The following DSC2 variants were observed in gnomAD, a reference collection of about 807,000 sequenced individuals.
DSC2 encodes the protein desmocollin-2.
DSC2 carries 51 observed loss-of-function variants against 87.6 expected under a neutral mutation model. The ratio of observed to expected loss-of-function variants is 0.58; its 90% CI spans 0.46 to 0.74. The LOEUF (loss-of-function observed/expected upper bound fraction) is 0.74. DSC2 is among the 30% of genes least tolerant of loss of function. The pLI, the probability that DSC2 is intolerant of heterozygous loss-of-function variation, is 0.00. For synonymous variants in DSC2, 383 were observed against 393.2 expected (o/e 0.97, Z 0.31); for missense variants, 1,066 against 1,089.5 (o/e 0.98, Z 0.30).
At chr18:31,085,836 T>G (rs560220508) in intron 7 of DSC2, among the ~76,000 whole-genome samples, 3 of 152,084 alleles carry the variant, frequency 2.0e-5, no homozygotes, top group Admixed American at 1.3e-4. Flanking sequence ...AGATGAATAA[T>G]GCTTCAGGGA....
chr18:31,082,453 C>A, intron 8 of DSC2, 30 bp from the exon 9 acceptor site: 1 of 1,599,262 alleles, frequency 6.3e-7, no homozygotes, highest in South Asian at 1.1e-5. Context: ...CAAAAAATTT[C>A]GTTAGTAACT....
At chr18:31,086,522 C>T (rs769474397) in intron 7 of DSC2, 54 bp downstream of exon 7, 2 of 1,597,556 alleles carry the variant, frequency 1.3e-6, no homozygotes, top group Non-Finnish European at 1.7e-6. Flanking sequence ...AGGAGTTATA[C>T]AGGTACTATT....
At chr18:31,101,371 G>A in intron 1 of DSC2, 1 of 744,238 alleles carries the variant, frequency 1.3e-6, no homozygotes, top group African/African-American at 2.0e-5. Context: ...TCTCCGTCCC[G>A]GCCGCCCAGC....
At chr18:31,098,589 G>C (rs1226377563) in intron 1 of DSC2, among the ~76,000 whole-genome samples, 1 of 151,734 alleles carries the variant, frequency 6.6e-6, no homozygotes, top group African/African-American at 2.4e-5. Context: ...CAAGTAGATG[G>C]GATTATAGGT....
intron 7 of DSC2, 71 bp downstream of exon 7, chr18:31,086,505 C>T (rs939421338): frequency 9.0e-6 from 14 of 1,560,334 alleles, no homozygotes; most frequent in Non-Finnish European, 1.2e-5. Flanking sequence ...TTCAAAAACA[C>T]ATCTACAGGA....
intron 9 of DSC2, among the ~76,000 whole-genome samples, chr18:31,081,141 G>A (rs1005875544): frequency 6.6e-5 from 10 of 151,982 alleles, no homozygotes; most frequent in Admixed American, 6.6e-4. Flanking sequence ...CTCCTAAGAT[G>A]AATAAAATTA....
At chr18:31,069,351 G>C (rs1192657334) in intron 14 of DSC2, among the ~76,000 whole-genome samples, 200 bp from the exon 15 acceptor site, 3 of 152,108 alleles carry the variant, frequency 2.0e-5, no homozygotes, top group Non-Finnish European at 4.4e-5. Flanking sequence ...AGCCACACAA[G>C]CAAACTGTCA....
At chr18:31,092,011 C>T in intron 3 of DSC2, 90 bp downstream of exon 3, 1 of 1,388,134 alleles carries the variant, frequency 7.2e-7, no homozygotes. Context: ...CAAACTATAC[C>T]ATATCCTTTC....
intron 4 of DSC2, among the ~76,000 whole-genome samples, chr18:31,090,622 G>A (rs919767195): frequency 6.6e-6 from 1 of 152,128 alleles, no homozygotes; most frequent in African/African-American, 2.4e-5. Context: ...GATCCAGTGT[G>A]ATTTCAGATG....
Position 31,092,278 on chromosome 18 carries a change from T to C in DSC2, c.177A>G (p.Thr59=). ...VGRVNLKECF[T]AANLIHSSDP... The stretch of plus-strand genomic sequence containing the variant: ...CACTTGAATGAATTAGATTTGCAGC[T>C]GTAAAGCACTCTTTCAGGTTAACTG... Residue 59 remains threonine (T), a synonymous_variant, in exon 3 of 16, where the codon ACA becomes ACG. Coordinates refer to ENST00000280904, the MANE Select transcript of DSC2 (RefSeq NM_024422.6). The C allele has an allele frequency of 6.2e-7, 1 of 1,613,686 alleles. No homozygotes were observed. Among genetic ancestry groups the C allele is most frequent in the Non-Finnish European group, 8.5e-7 (1 of 1,179,728 alleles).
Position 31,086,736 on chromosome 18 carries a change from G to A in DSC2, c.782C>T (p.Thr261Ile), listed in dbSNP as rs754739387. 36 of 1,614,002 alleles carry A rather than the reference G, an allele frequency of 2.2e-5. No individual in the cohort carries two copies. Among genetic ancestry groups the A allele is most frequent in the Non-Finnish European group, 3.0e-5 (35 of 1,179,950 alleles). ...TIFENCRVGT[T>I]VGQVCATDKD... The stretch of plus-strand genomic sequence containing the variant: ...GTCAGTAGCACACACTTGTCCCACA[G>A]TAGTGCCTAGAGAAGAAAAGTCCTT... The change falls in exon 7 of 16, where the codon ACT becomes ATT. Residue 261 changes from threonine to isoleucine, a missense_variant. Coordinates refer to ENST00000280904, the MANE Select transcript of DSC2 (RefSeq NM_024422.6).
chr18:31,081,609 G>T (rs9957742), intron 9 of DSC2, among the ~76,000 whole-genome samples: 1 of 151,936 alleles, frequency 6.6e-6, no homozygotes, highest in Non-Finnish European at 1.5e-5. Flanking sequence ...AAAAGAAAAC[G>T]GCATAGACCC....
At chr18:31,076,312 G>C (rs1044256767) in intron 11 of DSC2, among the ~76,000 whole-genome samples, 1 of 152,114 alleles carries the variant, frequency 6.6e-6, no homozygotes, top group Non-Finnish European at 1.5e-5. Context: ...CACAGAGAAA[G>C]AGCAGGTGAA....
At chr18:31,072,671 G>A (rs934602248) in intron 12 of DSC2, among the ~76,000 whole-genome samples, 1 of 152,082 alleles carries the variant, frequency 6.6e-6, no homozygotes, top group African/African-American at 2.4e-5. Context: ...ATACAATCTT[G>A]GTTTTGGAGA....
chr18:31,081,835 C>T lies in DSC2; in HGVS notation c.1263+403G>A, dbSNP rs545010925. Reference sequence around the variant, plus strand: ...ATATATACTGAATATGATGAACAAACCTATGAATAACCTCTCCATGGGGCT... The same window carrying T: ...ATATATACTGAATATGATGAACAAATCTATGAATAACCTCTCCATGGGGCT... On this transcript the variant is annotated intron_variant, in intron 9 of 15. Transcript: ENST00000280904. Among the ~76,000 whole-genome samples, 5 of 152,142 alleles carry T rather than the reference C, an allele frequency of 3.3e-5. No individual in the cohort carries two copies. In the East Asian group the frequency reaches 9.7e-4, roughly 29 times the overall value.
chr18:31,090,948 C>T (rs1987572996), intron 4 of DSC2, 80 bp downstream of exon 4: 2 of 1,578,782 alleles, frequency 1.3e-6, no homozygotes, highest in African/African-American at 1.4e-5. Context: ...ACAACTATTA[C>T]AAATAACTTC....
At chr18:31,068,795 A>C (rs1598570068) in intron 15 of DSC2, 99 bp downstream of exon 15, 2 of 1,443,660 alleles carry the variant, frequency 1.4e-6, no homozygotes, top group East Asian at 4.9e-5. Flanking sequence ...GAATTAGTAG[A>C]TTCATAATTA....
chr18:31,092,242 G>A lies in DSC2; in HGVS notation c.213C>T (p.Phe71=), dbSNP rs755760151. The A allele has an allele frequency of 6.2e-7, 1 of 1,613,794 alleles. No individual in the cohort carries two copies. ...AGACTGAACCATCCTCCAAAATTTGGAAGTCAGGATCACTTGAATGAATTA... is the reference window on the plus strand; with the variant it reads ...AGACTGAACCATCCTCCAAAATTTGAAAGTCAGGATCACTTGAATGAATTA... The part of the protein sequence containing the change: ...ANLIHSSDPD[F]QILEDGSVYT... The change falls in exon 3 of 16, where the codon TTC becomes TTT. Residue 71 remains phenylalanine, a synonymous_variant. Transcript: ENST00000280904.
rs1430547540 is a variant in DSC2, at chr18:31,069,039, T to G, written c.2363A>C (p.Lys788Thr). 2 of 1,614,030 alleles carry G rather than the reference T, an allele frequency of 1.2e-6. No homozygotes were observed. Among genetic ancestry groups the G allele is most frequent in the Non-Finnish European group, 1.7e-6 (2 of 1,179,994 alleles). Residue 788 changes from lysine (K) to threonine (T), a missense_variant, in exon 15 of 16, where the codon AAA becomes ACA. Coordinates refer to ENST00000280904, the MANE Select transcript of DSC2 (RefSeq NM_024422.6). The part of the protein sequence containing the change: ...NGGQETIEMV[K>T]GGHQTSESCR... The stretch of plus-strand genomic sequence containing the variant: ...GGATTCCGAGGTCTGGTGTCCTCCT[T>G]TCACCATTTCGATGGTCTCCTGACC...
Sources: gnomAD v4.1 joint callset for allele counts (sites outside exome capture counted in the v4.1 genomes callset) on GRCh38, gnomAD v4.1.1 for gene constraint, MANE v1.5 for transcripts, NCBI Gene and HGNC (gene_info 2026-07-23, HGNC 2026-07-21) for gene names.